The following PCMT1 variants were observed in gnomAD, a reference collection of about 807,000 sequenced individuals.
PCMT1 encodes protein-L-isoaspartate(D-aspartate) O-methyltransferase.
A neutral mutation model predicts 29.2 loss-of-function variants in PCMT1; 9 were observed. The ratio of observed to expected loss-of-function variants is 0.31; its 90% confidence interval spans 0.19 to 0.54. PCMT1 has a LOEUF of 0.54. PCMT1 is among the 20% of genes least tolerant of loss of function. The probability of loss-of-function intolerance (pLI) is 0.95; values close to 1 mark genes in which losing one functional copy is unlikely to be tolerated. For missense variants in PCMT1, 184 were observed against 282.2 expected (o/e 0.65, Z 2.49); for synonymous variants, 98 against 97.5 (o/e 1.00, Z -0.03).
intron 2 of PCMT1, chr6:149,772,136 T>C: frequency 2.2e-6 from 1 of 456,590 alleles, no homozygotes; most frequent in Non-Finnish European, 4.4e-6. Context: ...CATGCTATCT[T>C]CTTTTGACGC....
intron 3 of PCMT1, among the ~76,000 whole-genome samples, chr6:149,780,439 T>G (rs1433431578): frequency 6.6e-6 from 1 of 152,074 alleles, no homozygotes; most frequent in African/African-American, 2.4e-5. Flanking sequence ...TACACAAACA[T>G]CAGCACTCTC....
intron 5 of PCMT1, chr6:149,796,120 G>A (rs1451674117): frequency 1.2e-5 from 3 of 242,152 alleles, no homozygotes; most frequent in Non-Finnish European, 2.4e-5. Context: ...GATCACCTGA[G>A]GTCAGGAGTT....
In PCMT1 at chr6:149,807,336, A is replaced by G. The variant is rs188304339; in HGVS notation, c.*38-3280A>G. The stretch of plus-strand genomic sequence containing the variant: ...AAATAAATAATTTATATGTAAAAAT[A>G]TTTTGTTAATCTTCTGGTAAAAGTT... On this transcript the variant is annotated intron_variant, in intron 7 of 7. Transcript: ENST00000464889. Among the ~76,000 whole-genome samples, 213 of 152,134 alleles carry G rather than the reference A, an allele frequency of 1.4e-3. 1 individual carries two copies. The highest frequency in any genetic ancestry group is 2.6e-3 in the Non-Finnish European group (176 of 67,972).
intron 1 of PCMT1, 123 bp downstream of exon 1, chr6:149,750,079 G>A (rs1251108627): frequency 1.5e-6 from 2 of 1,351,000 alleles, no homozygotes; most frequent in Non-Finnish European, 2.0e-6. Context: ...TCGGCGCAGA[G>A]TTGCCCCGGT....
chr6:149,779,740 G>A (rs1787738056), intron 3 of PCMT1, among the ~76,000 whole-genome samples: 1 of 152,062 alleles, frequency 6.6e-6, no homozygotes, highest in Non-Finnish European at 1.5e-5. Flanking sequence ...GACCTGGGGA[G>A]GGTGCAGGTT....
At chr6:149,769,301 C>A (rs1362711855) in intron 1 of PCMT1, among the ~76,000 whole-genome samples, 3 of 72,052 alleles carry the variant, frequency 4.2e-5, no homozygotes, top group South Asian at 4.4e-4. Context: ...CCTATTTGTG[C>A]AGGATTCTTT....
chr6:149,780,232 T>C (rs2115276780), intron 3 of PCMT1, among the ~76,000 whole-genome samples: 1 of 152,084 alleles, frequency 6.6e-6, no homozygotes, highest in East Asian at 1.9e-4. Context: ...TCCCAGCTAT[T>C]CTGCAGACTG....
rs775504431 is a variant in PCMT1, at chr6:149,773,121, CTCT to C, written c.161-9_161-7del. 4.3e-5 allele frequency: 68 copies of C among 1,598,974 alleles called. No individual in the cohort carries two copies. In the East Asian group the frequency reaches 9.0e-4, roughly 21 times the overall value. On this transcript the variant is annotated splice_polypyrimidine_tract_variant and intron_variant, in intron 2 of 7. Coordinates refer to ENST00000464889, the MANE Select transcript of PCMT1 (RefSeq NM_001360452.2). ...TTTACAGCTGACTGTATCAGTAGTT[CTCT>C]TCTTCTTTTGCAGGTTTCCAAGCAA...
At chr6:149,770,128 T>G (rs1284620100) in intron 1 of PCMT1, among the ~76,000 whole-genome samples, 1 of 152,204 alleles carries the variant, frequency 6.6e-6, no homozygotes, top group Non-Finnish European at 1.5e-5. Context: ...CTTTGATTGC[T>G]TTAGTTGCCA....
At position 149,785,549 on chromosome 6, in the gene PCMT1, C is replaced by T. The variant is rs1390518053; in HGVS notation, c.193-4405C>T. ...CTCTGGTTTTCCTAGGCAGAGGACC[C>T]TGAGGCCTTCCGCAGTGTTTGTGTC... On this transcript the variant is annotated intron_variant, in intron 3 of 7. Coordinates refer to ENST00000464889, the MANE Select transcript of PCMT1 (RefSeq NM_001360452.2). 7.3e-3 allele frequency among the ~76,000 whole-genome samples: 1,109 copies of T among 152,116 alleles called. 5 individuals are homozygous for T. The highest frequency in any genetic ancestry group is 0.025 in the African/African-American group (1,024 of 41,478).
At chr6:149,806,133 A>G (rs1583063973) in intron 7 of PCMT1, among the ~76,000 whole-genome samples, 1 of 152,118 alleles carries the variant, frequency 6.6e-6, no homozygotes, top group African/African-American at 2.4e-5. Flanking sequence ...ACCAATATGC[A>G]TATGCCAACT....
intron 2 of PCMT1, chr6:149,771,914 G>A (rs1787342177): frequency 2.2e-6 from 1 of 451,432 alleles, no homozygotes; most frequent in Admixed American, 2.4e-5. Flanking sequence ...TTTCAGGTTA[G>A]GATTAATTTT....
intron 1 of PCMT1, chr6:149,750,204 A>G (rs1342698533): frequency 7.0e-6 from 4 of 575,008 alleles, no homozygotes; most frequent in African/African-American, 5.7e-5. Flanking sequence ...GGGCAGGGGC[A>G]GTCGTCTCCC....
At position 149,773,603 on chromosome 6, in the gene PCMT1, C is replaced by T. The variant is rs1787431008; in HGVS notation, c.192+434C>T. On this transcript the variant is annotated intron_variant, in intron 3 of 7. Coordinates refer to ENST00000464889, the MANE Select transcript of PCMT1 (RefSeq NM_001360452.2). ...TGGTCTTAGCCAGGATGGTCTCGAT[C>T]TCCTGACCCTCGTGATCCGCCTGCC... Among the ~76,000 whole-genome samples the T allele has an allele frequency of 3.3e-5, 5 of 152,296 alleles. No individual in the cohort carries two copies. The South Asian group carries it at 1.0e-3, about 32-fold the overall frequency.
chr6:149,760,468 A>G (rs1786690514), intron 1 of PCMT1, among the ~76,000 whole-genome samples: 1 of 152,176 alleles, frequency 6.6e-6, no homozygotes, highest in Non-Finnish European at 1.5e-5. Context: ...TCCCTCATCT[A>G]CAAGGTTAAA....
At position 149,749,915 on chromosome 6, in the gene PCMT1, C is replaced by G; in HGVS notation, c.14C>G (p.Ser5Cys). Residue 5 changes from serine (S) to cysteine (C), a missense_variant, in exon 1 of 8, where the codon TCC becomes TGC. Physicochemically the swap from Ser to Cys is moderately radical, Grantham distance 112. Transcript: ENST00000464889. MAWKSGGASHSELIH... is the reference protein window; with the variant it reads MAWKCGGASHSELIH... ...GTGTGCTTAGCGATGGCCTGGAAAT[C>G]CGGCGGCGCCAGCCACTCGGAGCTA... 6.2e-7 allele frequency: 1 copy of G among 1,607,944 alleles called. No individual in the cohort carries two copies. Among genetic ancestry groups the G allele is most frequent in the Non-Finnish European group, 8.5e-7 (1 of 1,177,960 alleles).
intron 3 of PCMT1, among the ~76,000 whole-genome samples, chr6:149,786,716 G>A (rs1221198554): frequency 1.3e-4 from 20 of 151,648 alleles, no homozygotes; most frequent in African/African-American, 4.6e-4. Flanking sequence ...CATCCCAGAC[G>A]GGGCGGCGGG....
intron 3 of PCMT1, among the ~76,000 whole-genome samples, chr6:149,788,678 C>T (rs1788222325): frequency 6.6e-6 from 1 of 152,204 alleles, no homozygotes; most frequent in Admixed American, 6.5e-5. Context: ...AGTGTTGACC[C>T]AGTTTTTCCA....
At chr6:149,791,318 T>G (rs1324225075) in intron 4 of PCMT1, among the ~76,000 whole-genome samples, 5 of 152,234 alleles carry the variant, frequency 3.3e-5, no homozygotes, top group South Asian at 2.1e-4. Context: ...AAAAGTGCTC[T>G]TAGAAAAATA....
Sources: allele counts gnomAD v4.1 joint callset (sites outside exome capture counted in the v4.1 genomes callset), GRCh38; gene constraint gnomAD v4.1.1; transcripts MANE v1.5; gene names NCBI Gene and HGNC (gene_info 2026-07-23, HGNC 2026-07-21).